UTP20: variants seen among roughly 807,000 people sequenced by gnomAD.
The protein encoded by UTP20 is small subunit processome component 20 homolog.
In UTP20, 164 loss-of-function variants were observed where a neutral mutation model predicts 329.5. The ratio of observed to expected loss-of-function variants is 0.50; its 90% confidence interval spans 0.44 to 0.57. UTP20 has a LOEUF of 0.57. Among genes scored for constraint, UTP20 ranks in the 20% least tolerant of loss-of-function variants. The probability of loss-of-function intolerance (pLI) is 0.00; values close to 1 mark genes in which losing one functional copy is unlikely to be tolerated. For missense variants in UTP20, 3,055 were observed against 3,284.2 expected (o/e 0.93, Z 1.71); for synonymous variants, 1,151 against 1,159.3 (o/e 0.99, Z 0.14).
chr12:101,339,046 C>T, intron 31 of UTP20, 89 bp downstream of exon 31: 2 of 1,349,450 alleles, frequency 1.5e-6, no homozygotes, highest in Non-Finnish European at 2.0e-6. Context: ...GGCGTGGTGG[C>T]TCACACCTGT....
At position 101,362,014 on chromosome 12, in the gene UTP20, A is replaced by C. The variant is rs1869939714; in HGVS notation, c.5744A>C (p.Lys1915Thr). ...VHMLLQGLTNKLQVGDLDSCL... is the reference protein window; with the variant it reads ...VHMLLQGLTNTLQVGDLDSCL... Reference sequence around the variant, plus strand: ...ATGCTGCTGCAAGGCCTCACCAATAAGCTGCAGGTCGGAGATTTGGACTCT... The same window carrying C: ...ATGCTGCTGCAAGGCCTCACCAATACGCTGCAGGTCGGAGATTTGGACTCT... Residue 1915 changes from lysine to threonine, a missense_variant, in exon 44 of 62, where the codon AAG (lysine) becomes ACG (threonine). Physicochemically the swap from Lys to Thr is moderately conservative, Grantham distance 78 (BLOSUM62 -1). Transcript: ENST00000261637. 1.2e-6 allele frequency: 2 copies of C among 1,613,704 alleles called. No homozygotes were observed. Among genetic ancestry groups the C allele is most frequent in the African/African-American group, 1.3e-5 (1 of 75,016 alleles).
intron 31 of UTP20, among the ~76,000 whole-genome samples, chr12:101,339,582 G>A (rs534422563): frequency 2.0e-5 from 3 of 152,218 alleles, no homozygotes; most frequent in African/African-American, 7.2e-5. Context: ...TGTATTTTGA[G>A]TTTTGTGGAA....
chr12:101,329,184 A>T, intron 26 of UTP20, 57 bp from the exon 27 acceptor site: 1 of 1,420,756 alleles, frequency 7.0e-7, no homozygotes, highest in Non-Finnish European at 9.8e-7. Flanking sequence ...ACAATTATAA[A>T]TAGTAACAAA....
rs771508943 is a variant in UTP20 at position 101,342,879 on chromosome 12, AT to A, written c.4296+47del. Reference sequence around the variant, plus strand: ...TCTCTTTGGCTTCAAAAGTATTATCATTTTTGTTTACTGAAGATTTATATGC... The same window carrying A: ...TCTCTTTGGCTTCAAAAGTATTATCATTTTGTTTACTGAAGATTTATATGC... On this transcript the variant is annotated intron_variant, in intron 34 of 61. Transcript: ENST00000261637. 1.5e-4 allele frequency: 238 copies of A among 1,610,166 alleles called. 1 individual carries two copies. The Middle Eastern group carries it at 2.8e-3, about 19-fold the overall frequency.
intron 21 of UTP20, among the ~76,000 whole-genome samples, chr12:101,314,768 G>C (rs1872914359): frequency 5.9e-5 from 9 of 152,088 alleles, no homozygotes. Flanking sequence ...GGAGGGAAAT[G>C]CCGGGGCAGA....
At chr12:101,327,984 A>T (rs1868626060) in intron 26 of UTP20, among the ~76,000 whole-genome samples, 1 of 152,222 alleles carries the variant, frequency 6.6e-6, no homozygotes, top group African/African-American at 2.4e-5. Flanking sequence ...TATTTCACCC[A>T]TCGTAACTCA....
intron 30 of UTP20, 72 bp downstream of exon 30, chr12:101,338,349 A>T: frequency 6.6e-7 from 1 of 1,504,068 alleles, no homozygotes; most frequent in Non-Finnish European, 9.2e-7. Context: ...AGAGAAAAAA[A>T]ATCAGTATAA....
Position 101,366,649 on chromosome 12 carries a change from G to C in UTP20, c.6217G>C (p.Val2073Leu), listed in dbSNP as rs942303087. Residue 2073 changes from valine to leucine, a missense_variant, in exon 47 of 62, where the codon GTT (valine) becomes CTT (leucine). Transcript: ENST00000261637. ...TCCAGTTCGAGGTGGACAGAAAGCT[G>C]TTGTGAGCAGGAAAACCAACATGCA... Reference protein sequence around the residue: ...PTPVRGGQKAVVSRKTNMHIF... With the variant: ...PTPVRGGQKALVSRKTNMHIF... The C allele has an allele frequency of 1.9e-6, 3 of 1,614,140 alleles. No homozygotes were observed. Among genetic ancestry groups the C allele is most frequent in the Non-Finnish European group, 2.5e-6 (3 of 1,180,024 alleles).
intron 4 of UTP20, 102 bp downstream of exon 4, chr12:101,285,983 T>C: frequency 6.8e-7 from 1 of 1,472,720 alleles, no homozygotes; most frequent in Non-Finnish European, 9.1e-7. Flanking sequence ...TGCTCATAAT[T>C]TAGAAACAAG....
intron 39 of UTP20, among the ~76,000 whole-genome samples, 155 bp from the exon 40 acceptor site, chr12:101,352,892 T>A (rs1448639329): frequency 6.6e-6 from 1 of 152,126 alleles, no homozygotes; most frequent in East Asian, 1.9e-4. Context: ...TTTACTTTTA[T>A]CTTGTATTAA....
Position 101,317,653 on chromosome 12 carries a change from G to A in UTP20, c.2728G>A (p.Ala910Thr). 1 of 1,609,104 alleles carries A rather than the reference G, an allele frequency of 6.2e-7. No individual in the cohort carries two copies. The highest frequency in any genetic ancestry group is 8.5e-7 in the Non-Finnish European group (1 of 1,177,938). The stretch of plus-strand genomic sequence containing the variant: ...CTCACAGAAGAAAAAGACGAGGAGA[G>A]CTGCAGCAAAGTAAGTTCACCATTG... ...ESSQKKKTRR[A>T]AAKQLIAHLQ... Residue 910 changes from alanine (A) to threonine (T), a missense_variant, in exon 22 of 62, where the codon GCT becomes ACT. Ala to Thr is a moderately conservative substitution (Grantham distance 58). Transcript: ENST00000261637.
chr12:101,311,965 C>T, intron 20 of UTP20, 71 bp from the exon 21 acceptor site: 2 of 1,596,674 alleles, frequency 1.3e-6, no homozygotes, highest in Non-Finnish European at 1.7e-6. Flanking sequence ...AAGAAATGCC[C>T]TCTCTTGAGA....
chr12:101,383,080 T>A lies in UTP20; in HGVS notation c.7696T>A (p.Leu2566Ile), dbSNP rs1870703130. 1.2e-6 allele frequency: 2 copies of A among 1,610,684 alleles called. No individual in the cohort carries two copies. Among genetic ancestry groups the A allele is most frequent in the Non-Finnish European group, 1.7e-6 (2 of 1,179,188 alleles). The change falls in exon 59 of 62, where the codon TTA becomes ATA. Residue 2566 changes from leucine (L) to isoleucine (I), a missense_variant. Leu to Ile is a conservative substitution (Grantham distance 5). Transcript: ENST00000261637. The part of the protein sequence containing the change: ...NLLFAAKVLY[L>I]LELYCEDKQS... The stretch of plus-strand genomic sequence containing the variant: ...GTTGTTCGCAGCCAAAGTCTTGTAT[T>A]TACTGGAACTTTATTGTGAGGATAA...
At position 101,375,932 on chromosome 12, in the gene UTP20, C is replaced by T. The variant is rs910280986; in HGVS notation, c.7396+176C>T. 3.3e-5 allele frequency among the ~76,000 whole-genome samples: 5 copies of T among 151,714 alleles called. 1 individual carries two copies. The highest frequency in any genetic ancestry group is 2.0e-4 in the Admixed American group (3 of 15,230). ...TTGAACACAGTGAAAATGTTCCCTT[C>T]TGAAAAAAAAACGTATCTATGATTT... On this transcript the variant is annotated intron_variant, in intron 56 of 61. Coordinates refer to ENST00000261637, the MANE Select transcript of UTP20 (RefSeq NM_014503.3).
chr12:101,305,160 C>G (rs1872616585), intron 15 of UTP20, among the ~76,000 whole-genome samples: 1 of 151,914 alleles, frequency 6.6e-6, no homozygotes, highest in African/African-American at 2.4e-5. Context: ...GGGTTTTCTC[C>G]AGAACCTGGT....
chr12:101,306,823 T>A, intron 17 of UTP20, 62 bp downstream of exon 17: 1 of 1,435,112 alleles, frequency 7.0e-7, no homozygotes. Context: ...TTATTGTGGT[T>A]TCCAAAATGA....
intron 24 of UTP20, 77 bp downstream of exon 24, chr12:101,321,014 A>G: frequency 7.6e-7 from 1 of 1,319,510 alleles, no homozygotes; most frequent in East Asian, 2.4e-5. Context: ...CTCTTCTAGA[A>G]TAATTTATTA....
At chr12:101,372,986 A>G (rs1277075990) in intron 52 of UTP20, 23 bp downstream of exon 52, 1 of 1,596,734 alleles carries the variant, frequency 6.3e-7, no homozygotes, top group Non-Finnish European at 8.6e-7. Flanking sequence ...TATTAACTAC[A>G]CAGGGGCGGA....
At position 101,280,364 on chromosome 12, in the gene UTP20, C is replaced by T. The variant is rs975728175; in HGVS notation, c.45+37C>T. ...AGCTTAGGCAGGGAGCCGCGGGTCT[C>T]CGCTGCCTCAGTCGTGAGACAGGCT... On this transcript the variant is annotated intron_variant, in intron 1 of 61. Transcript: ENST00000261637. 6 of 1,551,296 alleles carry T rather than the reference C, an allele frequency of 3.9e-6. No homozygotes were observed. The African/African-American group carries it at 6.8e-5, about 18-fold the overall frequency.
Sources: gnomAD v4.1 joint callset for allele counts (sites outside exome capture counted in the v4.1 genomes callset) on GRCh38, gnomAD v4.1.1 for gene constraint, MANE v1.5 for transcripts, NCBI Gene and HGNC (gene_info 2026-07-23, HGNC 2026-07-21) for gene names.